SLC25A30: variants seen among roughly 807,000 people sequenced by gnomAD.
SLC25A30 encodes kidney mitochondrial carrier protein 1.
SLC25A30 carries 29 observed loss-of-function variants against 42.7 expected under a neutral mutation model. The ratio of observed to expected loss-of-function variants is 0.68; its 90% CI spans 0.51 to 0.93. SLC25A30 has a LOEUF of 0.93. SLC25A30 is among the 40% of genes least tolerant of loss of function. The pLI, the probability that SLC25A30 is intolerant of heterozygous loss-of-function variation, is 0.00. For missense variants in SLC25A30, 300 were observed against 359.7 expected, an observed-to-expected ratio of 0.83 and a Z score of 1.34; for synonymous variants, 124 against 131.0, an observed-to-expected ratio of 0.95 and a Z score of 0.37.
rs780951904 is a variant in SLC25A30 at position 45,401,155 on chromosome 13, G to T, written c.542C>A (p.Pro181Gln). ...RAAIVVGVEL[P>Q]VYDITKKHLI... The stretch of plus-strand genomic sequence containing the variant: ...ATGCTTCTTGGTGATGTCATAGACC[G>T]GCAGCTCCACACCAACAACAATAGC... The change falls in exon 7 of 10, where the codon CCG (proline) becomes CAG (glutamine). Residue 181 changes from proline (P) to glutamine (Q), a missense_variant. Physicochemically the swap from Pro to Gln is moderately conservative, Grantham distance 76. Transcript: ENST00000519676. 7 of 1,613,914 alleles carry T rather than the reference G, an allele frequency of 4.3e-6. No homozygotes were observed. The highest frequency in any genetic ancestry group is 4.2e-6 in the Non-Finnish European group (5 of 1,179,878).
At chr13:45,409,930 T>C (rs4433707) in intron 2 of SLC25A30, among the ~76,000 whole-genome samples, 85,802 of 152,110 alleles carry the variant, frequency 0.56, 25,108 homozygotes, top group African/African-American at 0.69. Context: ...ACTGTGTCAA[T>C]GGGAAAGCCC....
At chr13:45,414,728 G>A (rs899788667) in intron 1 of SLC25A30, among the ~76,000 whole-genome samples, 2 of 151,828 alleles carry the variant, frequency 1.3e-5, no homozygotes, top group South Asian at 4.2e-4. Context: ...AAGCTGTACT[G>A]GCCACAGCAA....
chr13:45,415,644 G>A (rs1020576101), intron 1 of SLC25A30, among the ~76,000 whole-genome samples: 8 of 150,954 alleles, frequency 5.3e-5, no homozygotes, highest in Non-Finnish European at 1.2e-4. Flanking sequence ...CCAGTTACTC[G>A]GGACGCTGAG....
Position 45,398,933 on chromosome 13 carries a change from C to T in SLC25A30, c.753+7G>A, listed in dbSNP as rs7317760. On this transcript the variant is annotated splice_region_variant and intron_variant, in intron 8 of 9. Transcript: ENST00000519676. The stretch of plus-strand genomic sequence containing the variant: ...ACAACCCTGCAGAGACAGACATCTG[C>T]TCTTACCTGTAACAAGCAATCCAGG... 631 of 1,613,426 alleles carry T rather than the reference C, an allele frequency of 3.9e-4. 3 individuals carry two copies. In the African/African-American group the frequency reaches 7.3e-3, roughly 19 times the overall value.
chr13:45,421,822 C>T (rs894051748), upstream of SLC25A30, among the ~76,000 whole-genome samples: 2 of 152,212 alleles, frequency 1.3e-5, no homozygotes, highest in African/African-American at 4.8e-5. Context: ...GATTAAGGCC[C>T]CTGACCACGT....
chr13:45,400,421 CATAA>C (rs761042111), intron 7 of SLC25A30, among the ~76,000 whole-genome samples: 5 of 152,020 alleles, frequency 3.3e-5, no homozygotes, highest in South Asian at 2.1e-4. Flanking sequence ...CCCCGTCTCA[CATAA>C]ATAAATAAAT....
chr13:45,424,002 A>T, the SLC25A30 span, among the ~76,000 whole-genome samples: 3 of 57,356 alleles, frequency 5.2e-5, no homozygotes, highest in African/African-American at 1.2e-4. Context: ...AATATATATA[A>T]AAATATATAT....
At chr13:45,396,487 C>T (rs1881339571) in intron 9 of SLC25A30, 1 of 411,838 alleles carries the variant, frequency 2.4e-6, no homozygotes, top group Admixed American at 5.6e-5. Context: ...GTCTAATTAA[C>T]TGCCTCACGG....
chr13:45,430,869 T>C, the SLC25A30 span, among the ~76,000 whole-genome samples: 389 of 152,198 alleles, frequency 2.6e-3, 3 homozygotes, highest in African/African-American at 8.8e-3. Context: ...TTAATGTTTC[T>C]CCTTGGCCAC....
chr13:45,420,821 C>T (rs1883873354), upstream of SLC25A30, among the ~76,000 whole-genome samples: 4 of 152,146 alleles, frequency 2.6e-5, no homozygotes, highest in Admixed American at 2.6e-4. Context: ...CTGCCTCGGC[C>T]TCCCAAAGTG....
chr13:45,414,753 A>G (rs9590902), intron 1 of SLC25A30, among the ~76,000 whole-genome samples: 3,664 of 152,274 alleles, frequency 0.024, 167 homozygotes, highest in African/African-American at 0.081. Flanking sequence ...TGACAGGGCT[A>G]TAAGTATCTT....
the SLC25A30 span, among the ~76,000 whole-genome samples, chr13:45,425,549 T>A: frequency 6.6e-5 from 6 of 91,404 alleles, no homozygotes; most frequent in South Asian, 2.7e-4. Flanking sequence ...TATATATATA[T>A]AAGTATATAT....
intron 4 of SLC25A30, 55 bp downstream of exon 4, chr13:45,405,828 A>G: frequency 1.3e-6 from 2 of 1,540,510 alleles, no homozygotes; most frequent in Non-Finnish European, 1.8e-6. Flanking sequence ...CCACTTGAAT[A>G]AAAAGACAGA....
the SLC25A30 span, among the ~76,000 whole-genome samples, chr13:45,430,056 A>C: frequency 1.3e-5 from 2 of 151,402 alleles, no homozygotes; most frequent in South Asian, 4.2e-4. Flanking sequence ...ATGAAGCTAA[A>C]TTTTTTTTTA....
chr13:45,395,373 A>G lies in SLC25A30; in HGVS notation c.*601T>C, dbSNP rs1279657325. 2.0e-6 allele frequency: 2 copies of G among 986,656 alleles called. No homozygotes were observed. The highest frequency in any genetic ancestry group is 2.4e-6 in the Non-Finnish European group (2 of 830,770). 61.1% of individuals were successfully genotyped at this position (986,656 alleles called of 1,614,324 possible). ...ATTTCTCACAAATGTCAAGTCTTCA[A>G]AGCTTAAAATCACTTATTATAAGTG... On this transcript the variant is annotated 3_prime_UTR_variant, in exon 10 of 10. Transcript: ENST00000519676.
chr13:45,413,081 G>A (rs1883168964), intron 1 of SLC25A30, among the ~76,000 whole-genome samples: 1 of 152,056 alleles, frequency 6.6e-6, no homozygotes, highest in South Asian at 2.1e-4. Context: ...CCCCCATCGG[G>A]CACCTTGAAT....
chr13:45,423,549 T>C, the SLC25A30 span, among the ~76,000 whole-genome samples: 1 of 82,292 alleles, frequency 1.2e-5, no homozygotes, highest in African/African-American at 4.9e-5. Flanking sequence ...TATATATAAA[T>C]ACATAAAAAA....
upstream of SLC25A30, chr13:45,420,165 A>T (rs923391969): frequency 1.3e-5 from 2 of 152,224 alleles, no homozygotes; most frequent in African/African-American, 4.8e-5. Context: ...ATGACAGAAC[A>T]GAGGTTTCAT....
At chr13:45,432,413 G>T in the SLC25A30 span, among the ~76,000 whole-genome samples, 581 of 152,090 alleles carry the variant, frequency 3.8e-3, 4 homozygotes, top group African/African-American at 0.013. Flanking sequence ...AATTTACAGA[G>T]TGCCCTGTGC....
Sources: allele counts gnomAD v4.1 joint callset (sites outside exome capture counted in the v4.1 genomes callset), GRCh38; gene constraint gnomAD v4.1.1; transcripts MANE v1.5; gene names NCBI Gene and HGNC (gene_info 2026-07-23, HGNC 2026-07-21).